Variants in SLC4A8 observed in about 807,000 individuals in gnomAD.
The protein encoded by SLC4A8 is electroneutral sodium bicarbonate exchanger 1.
In SLC4A8, 40 loss-of-function variants were observed where a neutral mutation model predicts 125.0. The observed-to-expected ratio is 0.32, with a 90% CI of 0.25 to 0.42. SLC4A8 has a LOEUF of 0.42. Ranked by LOEUF, SLC4A8 falls within the 10% of genes least tolerant of loss-of-function variation. The pLI is 1.00. For synonymous variants in SLC4A8, 456 were observed against 476.0 expected (o/e 0.96, Z 0.55); for missense variants, 863 against 1,355.1 (o/e 0.64, Z 5.70).
chr12:51,491,478 A>G (rs1951315470), intron 19 of SLC4A8, among the ~76,000 whole-genome samples: 1 of 152,022 alleles, frequency 6.6e-6, no homozygotes, highest in African/African-American at 2.4e-5. Context: ...AGAAAGAGGG[A>G]TTGGGTAGAC....
At position 51,515,431 on chromosome 12, in the gene SLC4A8, C is replaced by G. The variant is rs1189639960; in HGVS notation, c.*7993C>G. ...CAATTCGAGGTGCTGGTACATTTCCCTTGTTTTCTATGTTCTTCTTTCTAG... is the reference window on the plus strand; with the variant it reads ...CAATTCGAGGTGCTGGTACATTTCCGTTGTTTTCTATGTTCTTCTTTCTAG... On this transcript the variant is annotated 3_prime_UTR_variant, in exon 25 of 25. Transcript: ENST00000453097. 6.6e-6 allele frequency: 1 copy of G among 152,112 alleles called. No homozygotes were observed. Among genetic ancestry groups the G allele is most frequent in the Non-Finnish European group, 1.5e-5 (1 of 68,022 alleles). The allele number at this position is 152,112 out of a possible 1,614,324, so 9.4% of individuals were successfully genotyped here.
intron 1 of SLC4A8, chr12:51,403,426 A>G (rs547427972): frequency 8.4e-6 from 3 of 355,614 alleles, no homozygotes; most frequent in Non-Finnish European, 1.7e-5. Flanking sequence ...GAGGGTGGGC[A>G]AGAATGGCCG....
At chr12:51,472,525 G>A (rs73097617) in intron 14 of SLC4A8, among the ~76,000 whole-genome samples, 12 of 152,290 alleles carry the variant, frequency 7.9e-5, no homozygotes, top group Non-Finnish European at 1.3e-4. Context: ...TGGCATTAGA[G>A]TTCTCATTTC....
At chr12:51,489,492 G>A (rs1002982252) in intron 18 of SLC4A8, among the ~76,000 whole-genome samples, 13 of 152,108 alleles carry the variant, frequency 8.5e-5, no homozygotes, top group African/African-American at 3.1e-4. Context: ...AATCAATATT[G>A]GCATATATAG....
At chr12:51,429,000 C>T (rs988439618) in intron 1 of SLC4A8, among the ~76,000 whole-genome samples, 9 of 152,110 alleles carry the variant, frequency 5.9e-5, no homozygotes, top group African/African-American at 2.2e-4. Flanking sequence ...ACCTCCAACT[C>T]CCAGGTTCAA....
chr12:51,506,639 G>T (rs1044543955), intron 24 of SLC4A8, among the ~76,000 whole-genome samples: 3 of 152,090 alleles, frequency 2.0e-5, no homozygotes, highest in Non-Finnish European at 4.4e-5. Flanking sequence ...TTACTGTGTT[G>T]CCCAGGCTGG....
At chr12:51,474,109 A>G (rs935979280) in intron 14 of SLC4A8, among the ~76,000 whole-genome samples, 3 of 152,232 alleles carry the variant, frequency 2.0e-5, no homozygotes, top group Non-Finnish European at 4.4e-5. Context: ...AAATGTGGTT[A>G]TCAGCACAGT....
chr12:51,400,767 TATATATATATACATAC>T (rs1421741578), intron 1 of SLC4A8, among the ~76,000 whole-genome samples: 2,807 of 8,110 alleles, frequency 0.35, 437 homozygotes, highest in South Asian at 0.51. Flanking sequence ...TATATATATA[TATATATATATACATAC>T]ATACACACAC....
chr12:51,431,748 T>C (rs1324696476), intron 1 of SLC4A8, among the ~76,000 whole-genome samples: 2 of 152,118 alleles, frequency 1.3e-5, no homozygotes, highest in East Asian at 3.9e-4. Flanking sequence ...AAGAGGAAGA[T>C]GGAAGTGAAT....
intron 1 of SLC4A8, among the ~76,000 whole-genome samples, chr12:51,440,171 G>A (rs990329327): frequency 6.6e-6 from 1 of 152,156 alleles, no homozygotes; most frequent in Non-Finnish European, 1.5e-5. Context: ...CACCAAATGG[G>A]ACAACTTGCT....
At chr12:51,459,894 A>G in intron 7 of SLC4A8, 57 bp from the exon 8 acceptor site, 1 of 1,470,858 alleles carries the variant, frequency 6.8e-7, no homozygotes, top group Non-Finnish European at 9.3e-7. Context: ...AAAAATTTAA[A>G]AACGATATTT....
intron 11 of SLC4A8, among the ~76,000 whole-genome samples, chr12:51,467,043 G>A (rs1950541639): frequency 6.6e-6 from 1 of 152,058 alleles, no homozygotes; most frequent in South Asian, 2.1e-4. Flanking sequence ...TCCAGAGGAA[G>A]GTGACTGGTA....
intron 1 of SLC4A8, among the ~76,000 whole-genome samples, chr12:51,419,794 G>A (rs891202466): frequency 3.3e-5 from 5 of 152,216 alleles, no homozygotes; most frequent in Admixed American, 6.5e-5. Flanking sequence ...CTGCCCCAGA[G>A]CCTCTCTCAG....
At chr12:51,489,210 A>G (rs1441299977) in intron 18 of SLC4A8, among the ~76,000 whole-genome samples, 1 of 152,180 alleles carries the variant, frequency 6.6e-6, no homozygotes. Flanking sequence ...AGAGGCAGGT[A>G]TTCTCCCACT....
At position 51,393,533 on chromosome 12, in the gene SLC4A8, T is replaced by C. The variant is rs551821138; in HGVS notation, c.-112+2045T>C. 2.0e-5 allele frequency among the ~76,000 whole-genome samples: 3 copies of C among 152,290 alleles called. No individual in the cohort carries two copies. The East Asian group carries it at 5.8e-4, about 29-fold the overall frequency. On this transcript the variant is annotated intron_variant, in intron 1 of 24. Transcript: ENST00000358657. ...ACAGGTGAATGAAGAAAGTAATCTT[T>C]TTTTCTAACCTGAGACTCCAAGGTA...
chr12:51,451,605 A>G (rs1435043334), intron 3 of SLC4A8, among the ~76,000 whole-genome samples: 2 of 152,114 alleles, frequency 1.3e-5, no homozygotes, highest in Non-Finnish European at 1.5e-5. Context: ...TGATTCACAT[A>G]GAGTTAAATA....
At chr12:51,422,099 G>A (rs1249218344), upstream of SLC4A8, 1 of 152,208 alleles carries the variant, frequency 6.6e-6, no homozygotes, top group Non-Finnish European at 1.5e-5. Flanking sequence ...TGAATTAATA[G>A]ATGAATGATG....
chr12:51,425,303 C>T, intron 1 of SLC4A8: 2 of 1,278,358 alleles, frequency 1.6e-6, no homozygotes, highest in Non-Finnish European at 2.0e-6. Flanking sequence ...TGACAGCCGG[C>T]GGGCGGCGAC....
intron 5 of SLC4A8, 119 bp downstream of exon 5, chr12:51,453,818 A>G (rs941214430): frequency 1.2e-6 from 1 of 845,604 alleles, no homozygotes; most frequent in African/African-American, 1.7e-5. Context: ...GCAAGCCACA[A>G]CCTTCCTGGC....
Sources: gnomAD v4.1 joint callset for allele counts (sites outside exome capture counted in the v4.1 genomes callset) on GRCh38, gnomAD v4.1.1 for gene constraint, MANE v1.5 for transcripts, NCBI Gene and HGNC (gene_info 2026-07-23, HGNC 2026-07-21) for gene names.